Variants in COL6A6 observed in about 807,000 individuals in gnomAD.
COL6A6 encodes collagen type VI alpha 6 chain.
Under a neutral mutation model 208.6 loss-of-function variants are expected in COL6A6, and 183 were observed. That is an observed-to-expected ratio of 0.88 (90% CI 0.78 to 0.99). The LOEUF is 0.99. COL6A6 is among the 50% of genes least tolerant of loss of function. The pLI is 0.00. For missense variants in COL6A6, 2,816 were observed against 2,815.2 expected (o/e 1.00, Z -0.01); for synonymous variants, 973 against 1,011.8 (o/e 0.96, Z 0.73).
chr3:130,561,694 A>G (rs1054956999), intron 2 of COL6A6, among the ~76,000 whole-genome samples: 1 of 120,940 alleles, frequency 8.3e-6, no homozygotes, highest in South Asian at 2.7e-4. Flanking sequence ...CGCCCAGGCC[A>G]GACTGCGGAC....
At chr3:130,656,146 C>CTCTCCT (rs1559793915) in intron 33 of COL6A6, among the ~76,000 whole-genome samples, 2 of 152,220 alleles carry the variant, frequency 1.3e-5, no homozygotes, top group African/African-American at 4.8e-5. Flanking sequence ...TCTTCTCTCT[C>CTCTCCT]CTCTCCTCTC....
At chr3:130,642,903 T>C in intron 30 of COL6A6, 36 bp downstream of exon 30, 1 of 1,613,346 alleles carries the variant, frequency 6.2e-7, no homozygotes, top group Non-Finnish European at 8.5e-7. Flanking sequence ...GTGCTCTGAG[T>C]GCTCCATTCA....
intron 19 of COL6A6, among the ~76,000 whole-genome samples, chr3:130,599,122 A>G (rs1168584508): frequency 1.3e-5 from 2 of 152,176 alleles, no homozygotes; most frequent in Non-Finnish European, 2.9e-5. Context: ...TATCTGTAAA[A>G]TAGGGTGAAT....
At chr3:130,642,613 G>C (rs547557822) in intron 29 of COL6A6, among the ~76,000 whole-genome samples, 25 of 152,312 alleles carry the variant, frequency 1.6e-4, no homozygotes, top group African/African-American at 5.8e-4. Flanking sequence ...GGCCTCTCAA[G>C]GCTTGTGTGC....
At chr3:130,582,117 C>T in intron 10 of COL6A6, 49 bp downstream of exon 10, 3 of 1,159,628 alleles carry the variant, frequency 2.6e-6, no homozygotes, top group Admixed American at 5.3e-5. Flanking sequence ...ACTTTATAAT[C>T]TCAGAACTAA....
chr3:130,601,526 T>C (rs1007125641), intron 20 of COL6A6, among the ~76,000 whole-genome samples: 3 of 152,180 alleles, frequency 2.0e-5, no homozygotes, highest in African/African-American at 7.2e-5. Flanking sequence ...CTGGAAAATA[T>C]TTTCAACTTA....
At chr3:130,548,855 T>C (rs866941461) in intron 1 of COL6A6, among the ~76,000 whole-genome samples, 1 of 152,282 alleles carries the variant, frequency 6.6e-6, no homozygotes, top group African/African-American at 2.4e-5. Context: ...TGTGATTCTC[T>C]GTATTTGCCT....
chr3:130,658,472 G>A (rs975955206), intron 33 of COL6A6, among the ~76,000 whole-genome samples: 2 of 152,152 alleles, frequency 1.3e-5, no homozygotes, highest in African/African-American at 4.8e-5. Context: ...AAGAAACATG[G>A]AAAATAACTT....
Position 130,634,242 on chromosome 3 carries a change from TAA to T in COL6A6, c.4993-325_4993-324del, listed in dbSNP as rs202193097. 1.4e-3 allele frequency among the ~76,000 whole-genome samples: 33 copies of T among 23,792 alleles called. No individual in the cohort carries two copies. The South Asian group carries it at 0.018, about 13-fold the overall frequency. The allele number at this position is 23,792 out of a possible 152,430, so 15.6% of individuals were successfully genotyped here. On this transcript the variant is annotated intron_variant, in intron 26 of 36. Transcript: ENST00000358511. ...ATAAATAAATAAATAAATAAATAAA[TAA>T]AAAAAAAAAAAAAAAAAAAAAAGAT...
At chr3:130,534,509 A>G (rs12494489) in intron 1 of COL6A6, among the ~76,000 whole-genome samples, 105,218 of 152,026 alleles carry the variant, frequency 0.69, 40,289 homozygotes, top group Non-Finnish European at 0.86. Context: ...CTGTATTTTC[A>G]TTAATTTCTT....
intron 1 of COL6A6, among the ~76,000 whole-genome samples, chr3:130,532,364 G>A (rs1453597090): frequency 6.6e-6 from 1 of 152,100 alleles, no homozygotes; most frequent in Non-Finnish European, 1.5e-5. Context: ...AGGCATTAAT[G>A]TGCCCCTTTT....
chr3:130,622,057 GA>G (rs2064736302), intron 24 of COL6A6, among the ~76,000 whole-genome samples, 174 bp downstream of exon 24: 1 of 152,088 alleles, frequency 6.6e-6, no homozygotes, highest in African/African-American at 2.4e-5. Flanking sequence ...TGTGGACCTG[GA>G]TGAAATCAGG....
chr3:130,649,269 C>G lies in COL6A6; in HGVS notation c.5440C>G (p.Arg1814Gly). The change falls in exon 33 of 37, where the codon CGC becomes GGC. Residue 1814 changes from arginine (R) to glycine (G), a missense_variant. Transcript: ENST00000358511. ...SYNSHARHLV[R>G]FSDAYKKSQL... ...TAACTCCCACGCCAGGCACCTTGTG[C>G]GCTTCTCAGACGCCTACAAGAAGAG... The G allele has an allele frequency of 6.2e-7, 1 of 1,600,626 alleles. No individual in the cohort carries two copies. Among genetic ancestry groups the G allele is most frequent in the South Asian group, 1.1e-5 (1 of 88,306 alleles).
intron 24 of COL6A6, among the ~76,000 whole-genome samples, chr3:130,624,114 G>A (rs554697082): frequency 1.9e-4 from 29 of 152,230 alleles, no homozygotes; most frequent in African/African-American, 7.0e-4. Flanking sequence ...GGAAAACCTA[G>A]GCCTTTAAGG....
chr3:130,615,304 G>T (rs1003950215), intron 23 of COL6A6, among the ~76,000 whole-genome samples: 13 of 152,032 alleles, frequency 8.6e-5, no homozygotes, highest in Non-Finnish European at 1.3e-4. Flanking sequence ...CAAGACTGTG[G>T]TTGATATGAT....
chr3:130,568,684 T>C (rs529225693), intron 6 of COL6A6, 80 bp downstream of exon 6: 1 of 1,271,092 alleles, frequency 7.9e-7, no homozygotes, highest in East Asian at 2.3e-5. Flanking sequence ...AATTTAATTC[T>C]ATTTACATAT....
intron 32 of COL6A6, among the ~76,000 whole-genome samples, chr3:130,647,099 T>C (rs1252484410): frequency 6.6e-6 from 1 of 152,142 alleles, no homozygotes; most frequent in South Asian, 2.1e-4. Context: ...CCTCAGTACA[T>C]AGTGTGAGGT....
At position 130,646,549 on chromosome 3, in the gene COL6A6, G is replaced by A. The variant is rs138718470; in HGVS notation, c.5239+1547G>A. On this transcript the variant is annotated intron_variant, in intron 32 of 36. Transcript: ENST00000358511. ...AGATCACACCACTGCATTCCAGCCC[G>A]GGTGATAGTGTGAGACTCCGTCTCA... Among the ~76,000 whole-genome samples the A allele has an allele frequency of 3.5e-3, 527 of 152,340 alleles. 4 individuals carry two copies. Among genetic ancestry groups the A allele is most frequent in the African/African-American group, 0.012 (504 of 41,588 alleles).
chr3:130,593,177 G>T, intron 16 of COL6A6, 22 bp from the exon 17 acceptor site: 1 of 1,612,714 alleles, frequency 6.2e-7, no homozygotes, highest in South Asian at 1.1e-5. Context: ...TCTATTAATA[G>T]CTTTCCCTTC....
Sources: gnomAD v4.1 joint callset for allele counts (sites outside exome capture counted in the v4.1 genomes callset) on GRCh38, gnomAD v4.1.1 for gene constraint, MANE v1.5 for transcripts, NCBI Gene and HGNC (gene_info 2026-07-23, HGNC 2026-07-21) for gene names.